Variants in KCNIP4 observed in about 807,000 individuals in gnomAD.
The protein encoded by KCNIP4 is potassium voltage-gated channel interacting protein 4.
A neutral mutation model predicts 34.0 loss-of-function variants in KCNIP4; 12 were observed. The ratio of observed to expected loss-of-function variants is 0.35; its 90% confidence interval spans 0.23 to 0.57. KCNIP4 has a LOEUF of 0.57. Ranked by LOEUF, KCNIP4 falls within the 20% of genes least tolerant of loss-of-function variation. The probability of loss-of-function intolerance (pLI) is 0.83; values close to 1 mark genes in which losing one functional copy is unlikely to be tolerated. For synonymous variants in KCNIP4, 124 were observed against 102.2 expected (o/e 1.21, Z -1.29); for missense variants, 238 against 311.7 (o/e 0.76, Z 1.78).
chr4:21,119,745 A>G (rs1749995853), intron 1 of KCNIP4, among the ~76,000 whole-genome samples: 1 of 151,920 alleles, frequency 6.6e-6, no homozygotes, highest in South Asian at 2.1e-4. Context: ...TCCCTTCTAG[A>G]AGAATGTGGC....
At chr4:21,926,143 T>G (rs1007282835) in intron 1 of KCNIP4, among the ~76,000 whole-genome samples, 2 of 152,222 alleles carry the variant, frequency 1.3e-5, no homozygotes, top group African/African-American at 2.4e-5. Context: ...CAGCCAATAC[T>G]TAATCAGCAA....
intron 1 of KCNIP4, among the ~76,000 whole-genome samples, chr4:21,774,349 C>T (rs1436058439): frequency 6.6e-6 from 1 of 152,132 alleles, no homozygotes; most frequent in African/African-American, 2.4e-5. Flanking sequence ...CTTGGCCTTT[C>T]TCTCTGGCTG....
intron 1 of KCNIP4, among the ~76,000 whole-genome samples, chr4:21,393,761 T>C (rs1290215120): frequency 1.3e-5 from 2 of 152,206 alleles, no homozygotes; most frequent in Non-Finnish European, 2.9e-5. Context: ...TCTTCTCTAA[T>C]GTGATTATCC....
At chr4:21,001,149 G>T (rs896740372) in intron 1 of KCNIP4, among the ~76,000 whole-genome samples, 1 of 152,108 alleles carries the variant, frequency 6.6e-6, no homozygotes, top group Non-Finnish European at 1.5e-5. Context: ...AATATCTACC[G>T]AAAGCAACAA....
chr4:21,380,766 C>G (rs1233776927), intron 1 of KCNIP4, among the ~76,000 whole-genome samples: 2 of 151,838 alleles, frequency 1.3e-5, no homozygotes, highest in East Asian at 1.9e-4. Flanking sequence ...CCTATACAAC[C>G]CTCAAAACTG....
chr4:21,115,119 C>T (rs1749575214), intron 1 of KCNIP4, among the ~76,000 whole-genome samples: 1 of 152,124 alleles, frequency 6.6e-6, no homozygotes, highest in Non-Finnish European at 1.5e-5. Context: ...CATTGTTTTC[C>T]TCACAGTAGT....
chr4:21,738,898 G>A (rs1716204616), intron 1 of KCNIP4, among the ~76,000 whole-genome samples: 4 of 152,154 alleles, frequency 2.6e-5, no homozygotes, highest in Non-Finnish European at 5.9e-5. Flanking sequence ...GGGAAGAAGA[G>A]TTTGGAGAAT....
At chr4:21,142,721 G>A (rs7678640) in intron 1 of KCNIP4, among the ~76,000 whole-genome samples, 84,785 of 151,942 alleles carry the variant, frequency 0.56, 24,537 homozygotes, top group African/African-American at 0.71. Context: ...CGCAAATTGG[G>A]TGTTGGACTC....
intron 1 of KCNIP4, among the ~76,000 whole-genome samples, chr4:20,885,625 TA>T (rs1400732656): frequency 1.3e-5 from 2 of 152,118 alleles, no homozygotes; most frequent in Non-Finnish European, 2.9e-5. Flanking sequence ...TTAAGCTCTT[TA>T]TTGCAATCTC....
intron 3 of KCNIP4, among the ~76,000 whole-genome samples, chr4:20,787,164 G>A (rs1203980245): frequency 6.6e-6 from 1 of 152,048 alleles, no homozygotes; most frequent in African/African-American, 2.4e-5. Flanking sequence ...AACTAGAAAT[G>A]GTCAAACTGT....
chr4:21,861,059 AGATAT>A (rs2109350798), intron 1 of KCNIP4, among the ~76,000 whole-genome samples: 1 of 152,358 alleles, frequency 6.6e-6, no homozygotes, highest in Admixed American at 6.5e-5. Flanking sequence ...AGATGTACAT[AGATAT>A]TAAAGATTGA....
chr4:21,683,446 A>ATTTTTTTTTTTTTTTTTTTT lies in KCNIP4; in HGVS notation c.61+265105_61+265124dup, dbSNP rs71191533. Among the ~76,000 whole-genome samples the ATTTTTTTTTTTTTTTTTTTT allele has an allele frequency of 6.2e-4, 29 of 46,614 alleles. 11 individuals carry two copies. The highest frequency in any genetic ancestry group is 1.0e-3 in the Non-Finnish European group (25 of 24,002). 30.6% of individuals were successfully genotyped at this position (46,614 alleles called of 152,430 possible). Reference sequence around the variant, plus strand: ...TACGACTAATGATTGGTGAAGCCAGATTTTTTTTTTTTTTTTTTTTTTTTT... The same window carrying ATTTTTTTTTTTTTTTTTTTT: ...TACGACTAATGATTGGTGAAGCCAGATTTTTTTTTTTTTTTTTTTTTTTTTTTTTTTTTTTTTTTTTTTTT... On this transcript the variant is annotated intron_variant, in intron 1 of 8. Transcript: ENST00000382152.
intron 1 of KCNIP4, among the ~76,000 whole-genome samples, chr4:20,989,708 C>T (rs1736908256): frequency 6.6e-6 from 1 of 152,114 alleles, no homozygotes; most frequent in Non-Finnish European, 1.5e-5. Flanking sequence ...GTGACTCATG[C>T]CTGTAATCCT....
intron 1 of KCNIP4, among the ~76,000 whole-genome samples, chr4:20,947,414 C>A (rs2149631895): frequency 6.6e-6 from 1 of 152,198 alleles, no homozygotes; most frequent in South Asian, 2.1e-4. Context: ...TGTGGTCCAC[C>A]TGCCTCGGCC....
intron 1 of KCNIP4, among the ~76,000 whole-genome samples, chr4:21,441,394 C>T (rs1163186441): frequency 6.6e-6 from 1 of 151,968 alleles, no homozygotes; most frequent in Non-Finnish European, 1.5e-5. Context: ...CCGCCCGTCT[C>T]GGCCTCCCAA....
chr4:21,045,419 A>G (rs1210850671), intron 1 of KCNIP4, among the ~76,000 whole-genome samples: 1 of 152,262 alleles, frequency 6.6e-6, no homozygotes, highest in Non-Finnish European at 1.5e-5. Context: ...ACATTACAAG[A>G]AATTCCTAAT....
At chr4:21,399,781 C>T (rs935571792) in intron 1 of KCNIP4, among the ~76,000 whole-genome samples, 5 of 151,988 alleles carry the variant, frequency 3.3e-5, no homozygotes, top group Admixed American at 2.6e-4. Flanking sequence ...CTCAGCCTCC[C>T]AAGTAGCGGT....
At chr4:21,895,873 CCT>C (rs907587120) in intron 1 of KCNIP4, among the ~76,000 whole-genome samples, 6 of 152,108 alleles carry the variant, frequency 3.9e-5, no homozygotes, top group African/African-American at 1.4e-4. Context: ...TTTATTTATA[CCT>C]CTCTTTTTCT....
chr4:20,824,256 C>A (rs1717453915), intron 3 of KCNIP4, among the ~76,000 whole-genome samples: 1 of 152,156 alleles, frequency 6.6e-6, no homozygotes, highest in South Asian at 2.1e-4. Flanking sequence ...TTGCTCATCA[C>A]AATGGGCAAA....
Sources: gnomAD v4.1 joint callset for allele counts (sites outside exome capture counted in the v4.1 genomes callset) on GRCh38, gnomAD v4.1.1 for gene constraint, MANE v1.5 for transcripts, NCBI Gene and HGNC (gene_info 2026-07-23, HGNC 2026-07-21) for gene names.